FGGY: variants seen among roughly 807,000 people sequenced by gnomAD.
FGGY encodes FGGY carbohydrate kinase domain-containing protein.
In FGGY, 72 loss-of-function variants were observed where a neutral mutation model predicts 71.3. The ratio of observed to expected loss-of-function variants is 1.01; its 90% CI spans 0.84 to 1.23. The LOEUF (loss-of-function observed/expected upper bound fraction) is 1.23. FGGY is among the 50% of genes most tolerant of loss of function. The pLI is 0.00. For synonymous variants in FGGY, 251 were observed against 250.3 expected (o/e 1.00, Z -0.02); for missense variants, 668 against 682.3 (o/e 0.98, Z 0.23).
chr1:59,312,904 A>G (rs2044641545), intron 1 of FGGY, among the ~76,000 whole-genome samples: 1 of 152,138 alleles, frequency 6.6e-6, no homozygotes. Flanking sequence ...TGCCTTTTGG[A>G]ATCCAACTTT....
chr1:59,449,538 CT>C (rs1321335379), intron 5 of FGGY, among the ~76,000 whole-genome samples: 1 of 152,204 alleles, frequency 6.6e-6, no homozygotes, highest in East Asian at 1.9e-4. Context: ...CTGCCTCAGC[CT>C]CCCAAGGTGC....
chr1:59,739,924 C>A (rs2098134267), intron 14 of FGGY, among the ~76,000 whole-genome samples: 1 of 152,164 alleles, frequency 6.6e-6, no homozygotes. Context: ...CCAGCAGGAA[C>A]CTGGAGAATA....
In FGGY at chr1:59,667,499, C is replaced by T. The variant is rs569461905; in HGVS notation, c.1417+96C>T. 6.2e-5 allele frequency: 85 copies of T among 1,381,564 alleles called. No homozygotes were observed. The African/African-American group carries it at 8.7e-4, about 14-fold the overall frequency. 85.6% of individuals were successfully genotyped at this position (1,381,564 alleles called of 1,614,324 possible). A position where few individuals can be genotyped will look rare whatever the true frequency, so the allele number is the denominator to read the frequency against. On this transcript the variant is annotated intron_variant, in intron 13 of 15. Coordinates refer to ENST00000303721, the MANE Select transcript of FGGY (RefSeq NM_018291.5). ...TGAAGTGAGAATAGGAGGATATATG[C>T]GGTATGCCAGATTATTAGAATAATC...
At chr1:59,637,110 C>A (rs572084863) in intron 10 of FGGY, among the ~76,000 whole-genome samples, 1 of 152,150 alleles carries the variant, frequency 6.6e-6, no homozygotes, top group Non-Finnish European at 1.5e-5. Flanking sequence ...GTGATTTAAC[C>A]CGGTGAGGTA....
At chr1:59,458,328 A>G (rs1419103187) in intron 6 of FGGY, among the ~76,000 whole-genome samples, 2 of 152,068 alleles carry the variant, frequency 1.3e-5, no homozygotes, top group Non-Finnish European at 2.9e-5. Flanking sequence ...TTACCTTTGT[A>G]TTTCCTGTCC....
At position 59,607,942 on chromosome 1, in the gene FGGY, A is replaced by G. The variant is rs1201665087; in HGVS notation, c.1011+32A>G. 3.3e-6 allele frequency: 5 copies of G among 1,538,236 alleles called. No homozygotes were observed. In the East Asian group the frequency reaches 1.1e-4, roughly 35 times the overall value. ...TGACACTTTCTCAATAGGGTCATGG[A>G]TGTTTTTATGTCATTGATTAGTCCA... On this transcript the variant is annotated intron_variant, in intron 9 of 15. Coordinates refer to ENST00000303721, the MANE Select transcript of FGGY (RefSeq NM_018291.5).
chr1:59,321,496 C>T lies in FGGY; in HGVS notation c.-14-40C>T, dbSNP rs2046373391. 5 of 1,563,094 alleles carry T rather than the reference C, an allele frequency of 3.2e-6. No homozygotes were observed. The South Asian group carries it at 4.6e-5, about 14-fold the overall frequency. On this transcript the variant is annotated intron_variant, in intron 1 of 15. Coordinates refer to ENST00000303721, the MANE Select transcript of FGGY (RefSeq NM_018291.5). ...TGTTTTGTGACTGTCTTTGCAGATC[C>T]ACTTGGTCTTCATATGGTTTTTACA...
intron 5 of FGGY, among the ~76,000 whole-genome samples, chr1:59,435,745 C>CCT (rs1323396120): frequency 7.0e-6 from 1 of 142,248 alleles, no homozygotes; most frequent in Non-Finnish European, 1.5e-5. Context: ...TGTGTGCCTG[C>CCT]GTGTGTGTGT....
chr1:59,742,616 A>G (rs1269374632), intron 14 of FGGY, among the ~76,000 whole-genome samples: 1 of 152,244 alleles, frequency 6.6e-6, no homozygotes, highest in Non-Finnish European at 1.5e-5. Context: ...AAGGGCTTAC[A>G]GCCATCTCAA....
At chr1:59,548,749 T>C (rs1380826348) in intron 7 of FGGY, among the ~76,000 whole-genome samples, 1 of 152,204 alleles carries the variant, frequency 6.6e-6, no homozygotes, top group Non-Finnish European at 1.5e-5. Flanking sequence ...CAGGGCTCAA[T>C]TGCCACATGT....
At position 59,379,188 on chromosome 1, in the gene FGGY, CACACAG is replaced by C. The variant is rs753160599; in HGVS notation, c.554+353_554+358del. On this transcript the variant is annotated intron_variant, in intron 5 of 15. Coordinates refer to ENST00000303721, the MANE Select transcript of FGGY (RefSeq NM_018291.5). ...ACACACACACACACACACACACACA[CACACAG>C]AGTCACGCATTCCTTAAGGACAGGG... Among the ~76,000 whole-genome samples, 528 of 152,010 alleles carry C rather than the reference CACACAG, an allele frequency of 3.5e-3. 1 individual carries two copies. Among genetic ancestry groups the C allele is most frequent in the South Asian group, 0.015 (71 of 4,816 alleles).
At chr1:59,314,167 G>T (rs923566668) in intron 1 of FGGY, among the ~76,000 whole-genome samples, 1 of 152,074 alleles carries the variant, frequency 6.6e-6, no homozygotes, top group Non-Finnish European at 1.5e-5. Context: ...GGGTTTCACC[G>T]TGTTAGCCAG....
chr1:59,762,138 A>G (rs2098346838), intron 15 of FGGY, among the ~76,000 whole-genome samples: 2 of 148,340 alleles, frequency 1.3e-5, no homozygotes, highest in South Asian at 4.3e-4. Flanking sequence ...CAACTCAACC[A>G]CTTCACAGTG....
chr1:59,416,236 T>G (rs56357248), intron 5 of FGGY, among the ~76,000 whole-genome samples: 26,153 of 152,044 alleles, frequency 0.17, 2,756 homozygotes, highest in East Asian at 0.36. Context: ...TCTTGGGGGA[T>G]GAAAAAGATC....
chr1:59,526,776 C>T (rs1052732569), intron 7 of FGGY, among the ~76,000 whole-genome samples: 9 of 152,198 alleles, frequency 5.9e-5, no homozygotes, highest in Middle Eastern at 3.2e-3. Flanking sequence ...GCCGGGAAGA[C>T]GGAGCCTGTG....
intron 9 of FGGY, among the ~76,000 whole-genome samples, chr1:59,620,654 A>G (rs1281100826): frequency 2.0e-5 from 3 of 151,980 alleles, no homozygotes; most frequent in Non-Finnish European, 4.4e-5. Flanking sequence ...ATCTATTGGC[A>G]TCTTGGCTTT....
At chr1:59,656,163 C>G (rs2097216111) in intron 11 of FGGY, among the ~76,000 whole-genome samples, 1 of 152,182 alleles carries the variant, frequency 6.6e-6, no homozygotes, top group Non-Finnish European at 1.5e-5. Flanking sequence ...CCTTGCAACT[C>G]TCACATCGGG....
chr1:59,317,188 T>C (rs2045601291), intron 1 of FGGY, among the ~76,000 whole-genome samples: 1 of 152,226 alleles, frequency 6.6e-6, no homozygotes, highest in African/African-American at 2.4e-5. Flanking sequence ...TCAATAGATA[T>C]TTCTTGCTGC....
intron 8 of FGGY, among the ~76,000 whole-genome samples, chr1:59,591,594 TAG>T (rs1192406362): frequency 6.6e-6 from 1 of 152,072 alleles, no homozygotes; most frequent in Non-Finnish European, 1.5e-5. Context: ...AACAGAGATA[TAG>T]ACCAATGTAA....
Sources: gnomAD v4.1 joint callset for allele counts (sites outside exome capture counted in the v4.1 genomes callset) on GRCh38, gnomAD v4.1.1 for gene constraint, MANE v1.5 for transcripts, NCBI Gene and HGNC (gene_info 2026-07-23, HGNC 2026-07-21) for gene names.